SLC9A9: variants seen among roughly 807,000 people sequenced by gnomAD.
SLC9A9 encodes sodium/hydrogen exchanger 9.
In SLC9A9, 62 loss-of-function variants were observed where a neutral mutation model predicts 77.8. That is an observed-to-expected ratio of 0.80 (90% CI 0.65 to 0.98). The LOEUF (loss-of-function observed/expected upper bound fraction) is 0.98, where lower values mean the gene tolerates loss of function less well. Among genes scored for constraint, SLC9A9 ranks in the 50% least tolerant of loss-of-function variants. The pLI, the probability that SLC9A9 is intolerant of heterozygous loss-of-function variation, is 0.00. For synonymous variants in SLC9A9, 320 were observed against 283.5 expected, an observed-to-expected ratio of 1.13 and a Z score of -1.29; for missense variants, 775 against 774.9, an observed-to-expected ratio of 1.00 and a Z score of 0.00.
At chr3:143,797,189 T>TATAATATATATGTATATAAAATATATATA (rs2008408560) in intron 2 of SLC9A9, among the ~76,000 whole-genome samples, 1 of 147,780 alleles carries the variant, frequency 6.8e-6, no homozygotes, top group African/African-American at 2.5e-5. Flanking sequence ...TATATATATA[T>TATAATATATATGTATATAAAATATATATA]AAAATATATA....
At chr3:143,430,193 C>G (rs187720853) in intron 12 of SLC9A9, among the ~76,000 whole-genome samples, 220 of 152,238 alleles carry the variant, frequency 1.4e-3, no homozygotes, top group Non-Finnish European at 2.6e-3. Flanking sequence ...GAGATAGGCA[C>G]CTGGGATCAA....
intron 14 of SLC9A9, chr3:143,343,265 G>T (rs1468233061): frequency 6.6e-6 from 1 of 152,142 alleles, no homozygotes; most frequent in East Asian, 1.9e-4. Context: ...CTAATTGTGT[G>T]TGAGTGTATG....
At chr3:143,789,329 C>T (rs892935898) in intron 4 of SLC9A9, among the ~76,000 whole-genome samples, 6 of 152,154 alleles carry the variant, frequency 3.9e-5, no homozygotes, top group Non-Finnish European at 7.4e-5. Context: ...GAAAAACATA[C>T]TAATTCTGTG....
chr3:143,608,404 T>A (rs1005491511), intron 6 of SLC9A9, among the ~76,000 whole-genome samples: 1 of 152,184 alleles, frequency 6.6e-6, no homozygotes, highest in African/African-American at 2.4e-5. Context: ...GTCTTCCCTC[T>A]TTGTCCTCCC....
chr3:143,282,861 A>G lies in SLC9A9; in HGVS notation c.1605-13881T>C, dbSNP rs547187706. ...ATGGTTATTTGGATTTTCCTGTTATACATAGTCAGACATAATCCTAATGGA... is the reference window on the plus strand; with the variant it reads ...ATGGTTATTTGGATTTTCCTGTTATGCATAGTCAGACATAATCCTAATGGA... On this transcript the variant is annotated intron_variant, in intron 14 of 15. Coordinates refer to ENST00000316549, the MANE Select transcript of SLC9A9 (RefSeq NM_173653.4). Among the ~76,000 whole-genome samples, 20 of 152,354 alleles carry G rather than the reference A, an allele frequency of 1.3e-4. 1 individual carries two copies. The South Asian group carries it at 3.5e-3, about 27-fold the overall frequency.
chr3:143,491,227 G>T (rs781343998), intron 11 of SLC9A9, among the ~76,000 whole-genome samples: 3 of 152,164 alleles, frequency 2.0e-5, no homozygotes, highest in Non-Finnish European at 4.4e-5. Context: ...TCTTTTTAAT[G>T]ATAGGAACTG....
chr3:143,562,485 T>G (rs547982711), intron 8 of SLC9A9, among the ~76,000 whole-genome samples: 20 of 152,102 alleles, frequency 1.3e-4, no homozygotes, highest in African/African-American at 3.9e-4. Flanking sequence ...AGATAGGGAA[T>G]AAATACACAT....
At chr3:143,817,487 ATAT>A (rs1193098282) in intron 2 of SLC9A9, among the ~76,000 whole-genome samples, 11 of 152,140 alleles carry the variant, frequency 7.2e-5, no homozygotes, top group African/African-American at 2.7e-4. Flanking sequence ...TTCCATTTTT[ATAT>A]TATTATTTGT....
At chr3:143,577,151 G>C (rs192326063) in intron 7 of SLC9A9, among the ~76,000 whole-genome samples, 1 of 152,148 alleles carries the variant, frequency 6.6e-6, no homozygotes, top group Non-Finnish European at 1.5e-5. Context: ...CTCCTGAGCA[G>C]AAACCTTTGG....
At position 143,266,717 on chromosome 3, in the gene SLC9A9, T is replaced by G. The variant is rs758208307; in HGVS notation, c.1923A>C (p.Gln641His). The G allele has an allele frequency of 3.7e-6, 6 of 1,614,054 alleles. No individual in the cohort carries two copies. In the Admixed American group the frequency reaches 8.3e-5, roughly 22 times the overall value. The part of the protein sequence containing the change: ...YELKLEQTLG[Q>H]SQLN ...TTCATGCCAATTAATTCAACTGGGA[T>G]TGACCCAAAGTTTGCTCAAGCTTGA... Residue 641 changes from glutamine (Q) to histidine (H), a missense_variant, in exon 16 of 16, where the codon CAA becomes CAC. Transcript: ENST00000316549.
At chr3:143,674,229 T>A (rs2039203178) in intron 5 of SLC9A9, among the ~76,000 whole-genome samples, 1 of 152,206 alleles carries the variant, frequency 6.6e-6, no homozygotes, top group Admixed American at 6.5e-5. Flanking sequence ...TCCAATAAGT[T>A]AAAGCATTAA....
chr3:143,847,190 A>C (rs2009848914), intron 1 of SLC9A9, among the ~76,000 whole-genome samples: 2 of 152,214 alleles, frequency 1.3e-5, no homozygotes. Flanking sequence ...TTCCAAAATG[A>C]GGAAACCCCA....
At chr3:143,406,527 G>A (rs2033984419) in intron 12 of SLC9A9, among the ~76,000 whole-genome samples, 1 of 151,820 alleles carries the variant, frequency 6.6e-6, no homozygotes, top group Non-Finnish European at 1.5e-5. Context: ...ACAGGTGCTT[G>A]CCTTTGTATT....
intron 5 of SLC9A9, among the ~76,000 whole-genome samples, chr3:143,660,076 C>G (rs1214119782): frequency 6.6e-6 from 1 of 152,216 alleles, no homozygotes; most frequent in Non-Finnish European, 1.5e-5. Flanking sequence ...GTCAATTAAA[C>G]CTCTTTCCTT....
intron 4 of SLC9A9, among the ~76,000 whole-genome samples, chr3:143,725,031 C>G (rs145248361): frequency 6.6e-6 from 1 of 152,278 alleles, no homozygotes; most frequent in African/African-American, 2.4e-5. Context: ...CCCAGCCCCC[C>G]CACTGCCTGG....
At chr3:143,454,950 T>G (rs967207608) in intron 12 of SLC9A9, among the ~76,000 whole-genome samples, 3 of 152,148 alleles carry the variant, frequency 2.0e-5, no homozygotes, top group South Asian at 2.1e-4. Context: ...CAGAGAAAAC[T>G]CTCTTCTTAT....
chr3:143,707,004 G>A (rs1411408012), intron 4 of SLC9A9, among the ~76,000 whole-genome samples: 2 of 152,164 alleles, frequency 1.3e-5, no homozygotes, highest in East Asian at 1.9e-4. Flanking sequence ...GGTGGGGGCA[G>A]TAGGAAGATG....
chr3:143,654,899 T>C (rs949748053), intron 5 of SLC9A9, among the ~76,000 whole-genome samples: 3 of 152,346 alleles, frequency 2.0e-5, no homozygotes, highest in African/African-American at 4.8e-5. Flanking sequence ...AGGCTTTTAA[T>C]TGAATATCCA....
chr3:143,428,483 G>A (rs951238511), intron 12 of SLC9A9, among the ~76,000 whole-genome samples: 1 of 152,100 alleles, frequency 6.6e-6, no homozygotes, highest in Non-Finnish European at 1.5e-5. Flanking sequence ...TACATTGTTG[G>A]TAGAAATGTA....
Sources: gnomAD v4.1 joint callset for allele counts (sites outside exome capture counted in the v4.1 genomes callset) on GRCh38, gnomAD v4.1.1 for gene constraint, MANE v1.5 for transcripts, NCBI Gene and HGNC (gene_info 2026-07-23, HGNC 2026-07-21) for gene names.